The following SLC26A7 variants were observed in gnomAD, a reference collection of about 807,000 sequenced individuals.
SLC26A7 encodes solute carrier family 26 member 7, also known as anion exchange transporter.
Under a neutral mutation model 82.5 loss-of-function variants are expected in SLC26A7, and 59 were observed. That is an observed-to-expected ratio of 0.72 (90% CI 0.58 to 0.89). The LOEUF is 0.89. Among genes scored for constraint, SLC26A7 ranks in the 40% least tolerant of loss-of-function variants. SLC26A7 has a pLI of 0.00. For synonymous variants in SLC26A7, 271 were observed against 274.3 expected, an observed-to-expected ratio of 0.99 and a Z score of 0.12; for missense variants, 820 against 793.0, an observed-to-expected ratio of 1.03 and a Z score of -0.41.
intron 13 of SLC26A7, among the ~76,000 whole-genome samples, chr8:91,364,660 A>G (rs1401183749): frequency 6.6e-6 from 1 of 152,168 alleles, no homozygotes; most frequent in African/African-American, 2.4e-5. Context: ...CTTAGCTTTG[A>G]GACTGAATTT....
chr8:91,311,257 C>T (rs894641794), intron 4 of SLC26A7, among the ~76,000 whole-genome samples: 12 of 152,236 alleles, frequency 7.9e-5, no homozygotes, highest in African/African-American at 2.4e-4. Context: ...TTTAGCCTGT[C>T]TGAAAAGACT....
intron 8 of SLC26A7, among the ~76,000 whole-genome samples, chr8:91,342,439 G>T (rs1197782168): frequency 6.6e-6 from 1 of 152,300 alleles, no homozygotes; most frequent in African/African-American, 2.4e-5. Flanking sequence ...CTGTTAAGGG[G>T]AATTTGCAAT....
intron 2 of SLC26A7, among the ~76,000 whole-genome samples, chr8:91,232,612 A>G (rs1810324573): frequency 6.6e-6 from 1 of 152,204 alleles, no homozygotes; most frequent in Non-Finnish European, 1.5e-5. Context: ...GATTTGGGGA[A>G]ATCAGAGTGC....
chr8:91,368,519 C>T (rs1420037107), intron 14 of SLC26A7, among the ~76,000 whole-genome samples: 4 of 151,428 alleles, frequency 2.6e-5, no homozygotes, highest in East Asian at 1.9e-4. Context: ...CCAGGGTTCA[C>T]GCCATTCTCC....
intron 2 of SLC26A7, among the ~76,000 whole-genome samples, chr8:91,286,801 A>G (rs1173098823): frequency 6.6e-6 from 1 of 152,188 alleles, no homozygotes; most frequent in African/African-American, 2.4e-5. Context: ...GTGTGTGCAT[A>G]TGCTCATGTA....
chr8:91,292,254 C>T (rs974896613), intron 3 of SLC26A7, among the ~76,000 whole-genome samples: 1 of 150,068 alleles, frequency 6.7e-6, no homozygotes, highest in Admixed American at 6.7e-5. Flanking sequence ...TGCAGTGAGC[C>T]GAGATGGCGC....
intron 5 of SLC26A7, among the ~76,000 whole-genome samples, chr8:91,324,489 G>T (rs1304983470): frequency 6.6e-6 from 1 of 152,180 alleles, no homozygotes; most frequent in South Asian, 2.1e-4. Flanking sequence ...AGAATAATCA[G>T]AATAATCTGG....
chr8:91,299,536 A>T (rs1465186115), intron 4 of SLC26A7, among the ~76,000 whole-genome samples: 2 of 152,114 alleles, frequency 1.3e-5, no homozygotes, highest in African/African-American at 4.8e-5. Context: ...TGTGCCAACA[A>T]CATTTATTAA....
intron 3 of SLC26A7, among the ~76,000 whole-genome samples, chr8:91,293,842 G>A (rs910035592): frequency 6.6e-6 from 1 of 152,156 alleles, no homozygotes. Context: ...ACTCTCAGAA[G>A]TATCTGATTT....
At chr8:91,257,088 C>T (rs188067790) in intron 2 of SLC26A7, among the ~76,000 whole-genome samples, 4 of 152,202 alleles carry the variant, frequency 2.6e-5, no homozygotes, top group Non-Finnish European at 4.4e-5. Flanking sequence ...AAATAAAACC[C>T]TGGATTTCCC....
At chr8:91,239,145 C>T (rs1337139365) in intron 2 of SLC26A7, among the ~76,000 whole-genome samples, 4 of 151,860 alleles carry the variant, frequency 2.6e-5, no homozygotes, top group East Asian at 1.9e-4. Flanking sequence ...CCAAGACGGG[C>T]GGATCACGAG....
rs1028298201 is a variant in SLC26A7, at chr8:91,372,505, A to G, written c.1675+2672A>G. On this transcript the variant is annotated intron_variant, in intron 15 of 18. Coordinates refer to ENST00000276609, the MANE Select transcript of SLC26A7 (RefSeq NM_052832.4). ...AATAAGCAATCCTTTCTTCATTTTT[A>G]ATATTTGTTAATATCATTGAGGATC... Among the ~76,000 whole-genome samples, 15 of 151,610 alleles carry G rather than the reference A, an allele frequency of 9.9e-5. No individual in the cohort carries two copies. In the East Asian group the frequency reaches 1.9e-3, roughly 20 times the overall value.
intron 5 of SLC26A7, among the ~76,000 whole-genome samples, chr8:91,332,351 A>T (rs189511714): frequency 0.032 from 4,274 of 132,912 alleles, 201 homozygotes; most frequent in African/African-American, 0.11. Context: ...AATATATATA[A>T]ATTTATAATT....
chr8:91,253,061 C>T (rs554894761), intron 2 of SLC26A7, among the ~76,000 whole-genome samples: 15 of 152,186 alleles, frequency 9.9e-5, no homozygotes, highest in African/African-American at 2.2e-4. Context: ...AACCTCCATT[C>T]GAACCAGAAC....
At chr8:91,368,231 G>C (rs1814250097) in intron 14 of SLC26A7, among the ~76,000 whole-genome samples, 1 of 152,136 alleles carries the variant, frequency 6.6e-6, no homozygotes, top group African/African-American at 2.4e-5. Flanking sequence ...CTGGATAAGG[G>C]AGTGTTTGCC....
chr8:91,339,627 G>GATTGATTTATTT (rs765230333), intron 7 of SLC26A7, among the ~76,000 whole-genome samples: 6 of 146,964 alleles, frequency 4.1e-5, no homozygotes, highest in African/African-American at 1.5e-4. Flanking sequence ...CTGCCTGAGG[G>GATTGATTTATTT]ATTTATTTAT....
At chr8:91,383,377 T>C (rs975902638) in intron 15 of SLC26A7, among the ~76,000 whole-genome samples, 1 of 152,000 alleles carries the variant, frequency 6.6e-6, no homozygotes, top group Non-Finnish European at 1.5e-5. Context: ...CTAAATAAAG[T>C]CATCCAGGAG....
intron 1 of SLC26A7, among the ~76,000 whole-genome samples, chr8:91,214,920 T>C (rs1368823996): frequency 6.6e-6 from 1 of 152,058 alleles, no homozygotes. Context: ...GGGGGAACCA[T>C]TTTCTGGCCC....
intron 4 of SLC26A7, among the ~76,000 whole-genome samples, chr8:91,305,058 T>A (rs1293451621): frequency 6.6e-6 from 1 of 152,150 alleles, no homozygotes; most frequent in African/African-American, 2.4e-5. Context: ...CCAGGAAATA[T>A]TTTTTACACA....
Sources: allele counts gnomAD v4.1 joint callset (sites outside exome capture counted in the v4.1 genomes callset), GRCh38; gene constraint gnomAD v4.1.1; transcripts MANE v1.5; gene names NCBI Gene and HGNC (gene_info 2026-07-23, HGNC 2026-07-21).